HEPH: variants seen among roughly 807,000 people sequenced by gnomAD.
The protein encoded by HEPH is hephaestin.
A neutral mutation model predicts 80.8 loss-of-function variants in HEPH; 69 were observed. The observed-to-expected ratio is 0.85, with a 90% CI of 0.70 to 1.04. The LOEUF (loss-of-function observed/expected upper bound fraction) is 1.04, where lower values mean the gene tolerates loss of function less well. Ranked by LOEUF, HEPH falls within the 50% of genes least tolerant of loss-of-function variation. The probability of loss-of-function intolerance (pLI) is 0.00; values close to 1 mark genes in which losing one functional copy is unlikely to be tolerated. For missense variants in HEPH, 1,115 were observed against 891.3 expected, an observed-to-expected ratio of 1.25 and a Z score of -3.20; for synonymous variants, 431 against 322.8, an observed-to-expected ratio of 1.34 and a Z score of -3.60.
intron 15 of HEPH, among the ~76,000 whole-genome samples, chrX:66,233,859 G>T (rs1014672922): frequency 9.0e-6 from 1 of 110,784 alleles, no homozygotes; most frequent in Non-Finnish European, 1.9e-5. Flanking sequence ...GACCAAGGCT[G>T]TCAAAACATG....
intron 10 of HEPH, among the ~76,000 whole-genome samples, chrX:66,198,126 T>G (rs2088207171): frequency 9.0e-6 from 1 of 110,967 alleles, no homozygotes; most frequent in African/African-American, 3.3e-5. Flanking sequence ...TGATATCCTT[T>G]CATCATCTTC....
chrX:66,196,640 T>C (rs1200222061), intron 9 of HEPH, among the ~76,000 whole-genome samples: 3 of 111,954 alleles, frequency 2.7e-5, no homozygotes, highest in Admixed American at 1.9e-4. Context: ...TTTGCAGTCC[T>C]ATCAGTTTAG....
intron 13 of HEPH, among the ~76,000 whole-genome samples, chrX:66,206,529 A>T (rs1437637738): frequency 9.8e-6 from 1 of 101,948 alleles, no homozygotes; most frequent in East Asian, 3.1e-4. Flanking sequence ...CACCCAGCTG[A>T]TTTTTTTTTT....
At chrX:66,250,540 C>T (rs1255743815) in intron 15 of HEPH, among the ~76,000 whole-genome samples, 1 of 111,047 alleles carries the variant, frequency 9.0e-6, no homozygotes, top group East Asian at 2.8e-4. Context: ...CTGATCTGGT[C>T]TCAATTCCTA....
At chrX:66,242,993 C>G (rs756771637) in intron 15 of HEPH, among the ~76,000 whole-genome samples, 1 of 111,498 alleles carries the variant, frequency 9.0e-6, no homozygotes, top group African/African-American at 3.3e-5. Context: ...ACTGTTTGAC[C>G]CAGCAGTCTC....
chrX:66,255,541 G>A (rs2091150794), intron 16 of HEPH, among the ~76,000 whole-genome samples: 1 of 111,740 alleles, frequency 8.9e-6, no homozygotes, highest in Non-Finnish European at 1.9e-5. Flanking sequence ...TTCTCATCTG[G>A]AAAATGGATT....
intron 15 of HEPH, among the ~76,000 whole-genome samples, chrX:66,226,153 G>T (rs1476402672): frequency 3.6e-5 from 4 of 111,883 alleles, no homozygotes; most frequent in African/African-American, 6.5e-5. Context: ...AACCGATTAG[G>T]CTGGGGTTGA....
intron 15 of HEPH, among the ~76,000 whole-genome samples, chrX:66,238,929 A>G (rs1200582289): frequency 2.7e-5 from 3 of 112,629 alleles, no homozygotes; most frequent in Non-Finnish European, 5.6e-5. Context: ...CTGCAGCAGG[A>G]GCATGTTCTT....
intron 12 of HEPH, 74 bp from the exon 13 acceptor site, chrX:66,203,290 G>T (rs902888518): frequency 2.8e-5 from 26 of 917,452 alleles, no homozygotes; most frequent in Non-Finnish European, 4.0e-5. Context: ...GTATGCCTAG[G>T]GAAAGGCAGG....
rs758498404 is a variant in HEPH, at chrX:66,165,758, T to C, written c.-14+1288T>C. Among the ~76,000 whole-genome samples the C allele has an allele frequency of 7.1e-5, 8 of 111,948 alleles. No homozygotes were observed. The East Asian group carries it at 2.2e-3, about 31-fold the overall frequency. On this transcript the variant is annotated intron_variant, in intron 1 of 20. Transcript: ENST00000343002. Reference sequence around the variant, plus strand: ...AACTATCCAAATAGCCTAGAATTTTTCTTTCTTTTTTCCTTCCTTTGAGTG... The same window carrying C: ...AACTATCCAAATAGCCTAGAATTTTCCTTTCTTTTTTCCTTCCTTTGAGTG...
chrX:66,206,493 G>A (rs1393885538), intron 13 of HEPH, among the ~76,000 whole-genome samples: 3 of 103,428 alleles, frequency 2.9e-5, no homozygotes, highest in Admixed American at 1.0e-4. Flanking sequence ...CACCCAAGTA[G>A]CTGGGATTAC....
At chrX:66,181,064 T>G (rs1275643606) in intron 4 of HEPH, among the ~76,000 whole-genome samples, 1 of 62,727 alleles carries the variant, frequency 1.6e-5, no homozygotes, top group Non-Finnish European at 2.8e-5. Flanking sequence ...TTCCATGGTG[T>G]ATATGTGCCA....
intron 4 of HEPH, among the ~76,000 whole-genome samples, chrX:66,179,770 G>C (rs1349451397): frequency 1.8e-5 from 2 of 111,161 alleles, no homozygotes; most frequent in Non-Finnish European, 3.8e-5. Context: ...TCCAGTGTTA[G>C]GTGCATATAT....
intron 15 of HEPH, among the ~76,000 whole-genome samples, chrX:66,234,624 G>A (rs2090287530): frequency 1.9e-5 from 2 of 105,570 alleles, no homozygotes; most frequent in African/African-American, 3.4e-5. Flanking sequence ...GGTATGAGAT[G>A]TTATCTCATG....
intron 15 of HEPH, among the ~76,000 whole-genome samples, chrX:66,236,456 G>T (rs1390998388): frequency 9.0e-6 from 1 of 111,676 alleles, no homozygotes; most frequent in African/African-American, 3.3e-5. Flanking sequence ...GCATCCCAGG[G>T]ATAAAGCCAA....
chrX:66,187,139 AT>A (rs1050062007), intron 4 of HEPH, among the ~76,000 whole-genome samples: 1 of 108,948 alleles, frequency 9.2e-6, no homozygotes, highest in Non-Finnish European at 1.9e-5. Context: ...TTCACTTCTT[AT>A]TTTTTTTGTT....
intron 1 of HEPH, among the ~76,000 whole-genome samples, chrX:66,167,758 A>G (rs2086436367): frequency 8.9e-6 from 1 of 112,211 alleles, no homozygotes. Flanking sequence ...ATGGTTCTGC[A>G]CTTAGATTAT....
upstream of HEPH, among the ~76,000 whole-genome samples, chrX:66,163,703 T>C (rs1237614122): frequency 9.0e-6 from 1 of 111,533 alleles, no homozygotes; most frequent in East Asian, 2.8e-4. Flanking sequence ...AGCAAATCTC[T>C]CTTCTCTTTT....
In HEPH at chrX:66,266,903, C is replaced by A; in HGVS notation, c.*231C>A. On this transcript the variant is annotated 3_prime_UTR_variant, in exon 21 of 21. Coordinates refer to ENST00000343002, the MANE Select transcript of HEPH (RefSeq NM_001367233.3). ...GTGGGCACCTGGCACTAAGGGAGTA[C>A]CTTATTATCCTACATCGCAAATTTC... is the stretch of plus-strand genomic sequence containing the variant. 1 of 362,825 alleles carries A rather than the reference C, an allele frequency of 2.8e-6. No homozygotes were observed. The highest frequency in any genetic ancestry group is 6.9e-5 in the South Asian group (1 of 14,483). 29.9% of individuals were successfully genotyped at this position (362,825 alleles called of 1,213,427 possible).
Sources: allele counts gnomAD v4.1 joint callset (sites outside exome capture counted in the v4.1 genomes callset), GRCh38; gene constraint gnomAD v4.1.1; transcripts MANE v1.5; gene names NCBI Gene and HGNC (gene_info 2026-07-23, HGNC 2026-07-21).